The following IRAK3 variants were observed in gnomAD, a reference collection of about 807,000 sequenced individuals.
IRAK3 encodes interleukin 1 receptor associated kinase 3.
In IRAK3, 57 loss-of-function variants were observed where a neutral mutation model predicts 56.6. The observed-to-expected ratio is 1.01, with a 90% CI of 0.81 to 1.26. The LOEUF is 1.26. IRAK3 is among the 50% of genes most tolerant of loss of function. The pLI is 0.00. For missense variants in IRAK3, 703 were observed against 719.0 expected (o/e 0.98, Z 0.25); for synonymous variants, 258 against 255.7 (o/e 1.01, Z -0.09).
chr12:66,198,468 C>T (rs780870208), intron 1 of IRAK3, among the ~76,000 whole-genome samples: 1 of 152,070 alleles, frequency 6.6e-6, no homozygotes, highest in Non-Finnish European at 1.5e-5. Flanking sequence ...TAAACCTTAC[C>T]CCACGACACG....
chr12:66,205,393 G>T (rs532682661), intron 2 of IRAK3, among the ~76,000 whole-genome samples: 1 of 152,266 alleles, frequency 6.6e-6, no homozygotes, highest in Admixed American at 6.5e-5. Flanking sequence ...AGGTAAATCT[G>T]AAGTGAAGAG....
intron 1 of IRAK3, among the ~76,000 whole-genome samples, chr12:66,200,129 AAT>A (rs980555255): frequency 1.3e-5 from 2 of 152,226 alleles, no homozygotes; most frequent in Non-Finnish European, 2.9e-5. Flanking sequence ...TTTGATATGT[AAT>A]TGCAAATGCT....
chr12:66,223,382 A>C (rs2052754447), intron 6 of IRAK3, among the ~76,000 whole-genome samples: 1 of 151,996 alleles, frequency 6.6e-6, no homozygotes, highest in African/African-American at 2.4e-5. Context: ...GTTTGAGGCC[A>C]GGCGCGGTGG....
intron 8 of IRAK3, among the ~76,000 whole-genome samples, chr12:66,233,223 T>C (rs1178910207): frequency 2.0e-5 from 3 of 152,028 alleles, no homozygotes; most frequent in Admixed American, 1.3e-4. Context: ...TCACACTGCA[T>C]TGAAAGAAAG....
chr12:66,236,827 C>G (rs1056975484), intron 8 of IRAK3, among the ~76,000 whole-genome samples: 3 of 152,108 alleles, frequency 2.0e-5, no homozygotes, highest in Non-Finnish European at 4.4e-5. Flanking sequence ...CAAGCTTTAC[C>G]CTGATCAGCT....
At chr12:66,232,443 C>T (rs2052853885) in intron 8 of IRAK3, among the ~76,000 whole-genome samples, 1 of 152,186 alleles carries the variant, frequency 6.6e-6, no homozygotes, top group Non-Finnish European at 1.5e-5. Flanking sequence ...CCAACTATAA[C>T]AGTAGATTTC....
intron 4 of IRAK3, among the ~76,000 whole-genome samples, chr12:66,211,229 A>G (rs2052608216): frequency 6.6e-6 from 1 of 152,182 alleles, no homozygotes; most frequent in South Asian, 2.1e-4. Flanking sequence ...AAAAATCACA[A>G]TGCTGCTGTC....
At chr12:66,203,171 T>C (rs1421986750) in intron 1 of IRAK3, among the ~76,000 whole-genome samples, 1 of 152,190 alleles carries the variant, frequency 6.6e-6, no homozygotes, top group Non-Finnish European at 1.5e-5. Flanking sequence ...AATCTCAAAG[T>C]ATCTTCCCCG....
At chr12:66,234,129 C>G in intron 8 of IRAK3, 14 of 1,614,184 alleles carry the variant, frequency 8.7e-6, no homozygotes, top group Non-Finnish European at 1.2e-5. Context: ...TCGACAGCCA[C>G]CTGCTGTTGA....
intron 5 of IRAK3, among the ~76,000 whole-genome samples, chr12:66,216,816 A>C (rs1383382521): frequency 6.6e-6 from 1 of 152,210 alleles, no homozygotes. Flanking sequence ...GAAATAACAC[A>C]AGTTGGATTC....
rs1439061910 is a variant in IRAK3, at chr12:66,244,763, T to C, written c.1086+79T>C. 6.7e-6 allele frequency: 9 copies of C among 1,351,926 alleles called. No homozygotes were observed. The East Asian group carries it at 2.1e-4, about 32-fold the overall frequency. 83.7% of individuals were successfully genotyped at this position (1,351,926 alleles called of 1,614,324 possible). A position where few individuals can be genotyped will look rare whatever the true frequency, so the allele number is the denominator to read the frequency against. On this transcript the variant is annotated intron_variant, in intron 9 of 11. Transcript: ENST00000261233. ...GATTCTAAGAATTTTTTAAAGAGTT[T>C]TAACTTTTGACTCATTGATTTCCTG...
At chr12:66,189,569 C>T (rs1007968070) in intron 1 of IRAK3, 137 bp downstream of exon 1, 2 of 444,558 alleles carry the variant, frequency 4.5e-6, no homozygotes, top group African/African-American at 4.2e-5. Context: ...GGAGCCGGCC[C>T]CCTCCTTTCC....
rs765118476 is a variant in IRAK3, at chr12:66,209,488, C to T, written c.349C>T (p.Gln117Ter). 1 of 1,606,068 alleles carries T rather than the reference C, an allele frequency of 6.2e-7. No homozygotes were observed. The highest frequency in any genetic ancestry group is 8.5e-7 in the Non-Finnish European group (1 of 1,172,950). ...GTTGAGTCCTTCAGAGAAGAGTTAT[C>T]AGGAAGGTGGATTTCCAAATATATT... ...AVLSPSEKSY[Q>*]EGGFPNILFK... The change falls in exon 3 of 12, where the codon CAG becomes TAG. Residue 117 changes from glutamine to a stop codon, truncating the protein, a stop_gained. Transcript: ENST00000261233. LOFTEE classifies it high-confidence loss of function.
intron 1 of IRAK3, chr12:66,197,641 T>C: frequency 1.0e-6 from 1 of 985,350 alleles, no homozygotes; most frequent in Non-Finnish European, 1.2e-6. Context: ...TCTGGATCAG[T>C]TTTTTACCAT....
At chr12:66,235,724 A>G (rs1152908) in intron 8 of IRAK3, among the ~76,000 whole-genome samples, 1 of 152,096 alleles carries the variant, frequency 6.6e-6, no homozygotes, top group Non-Finnish European at 1.5e-5. Flanking sequence ...AGCGTATAGT[A>G]TATAATTATA....
rs1340558788 is a variant in IRAK3 at position 66,251,458 on chromosome 12, T to G, written c.*3287T>G. ...GATCAGCAAACATGAATTCATAATT[T>G]CATTTACTCTCATTTTTGTAATGCA... On this transcript the variant is annotated 3_prime_UTR_variant, in exon 12 of 12. Coordinates refer to ENST00000261233, the MANE Select transcript of IRAK3 (RefSeq NM_007199.3). 2 of 152,200 alleles carry G rather than the reference T, an allele frequency of 1.3e-5. No individual in the cohort carries two copies. Among genetic ancestry groups the G allele is most frequent in the Non-Finnish European group, 1.5e-5 (1 of 68,026 alleles). 9.4% of individuals were successfully genotyped at this position (152,200 alleles called of 1,614,324 possible). A position where few individuals can be genotyped will look rare whatever the true frequency, so the allele number is the denominator to read the frequency against.
rs1026097833 is a variant in IRAK3, at chr12:66,204,778, G to GCGCA, written c.316+886_316+887insGCAC. On this transcript the variant is annotated intron_variant, in intron 2 of 11. Coordinates refer to ENST00000261233, the MANE Select transcript of IRAK3 (RefSeq NM_007199.3). ...ATATTTAGTGCGCATGAGCCCTTGCGCACACACACACACACACACACACAC... is the reference window on the plus strand; with the variant it reads ...ATATTTAGTGCGCATGAGCCCTTGCGCGCACACACACACACACACACACACACAC... 3.6e-3 allele frequency among the ~76,000 whole-genome samples: 536 copies of GCGCA among 147,914 alleles called. 8 individuals carry two copies. The highest frequency in any genetic ancestry group is 0.028 in the Middle Eastern group (8 of 288).
chr12:66,205,103 C>T (rs1438855491), intron 2 of IRAK3, among the ~76,000 whole-genome samples: 1 of 152,180 alleles, frequency 6.6e-6, no homozygotes, highest in Non-Finnish European at 1.5e-5. Flanking sequence ...CCACTGAAAC[C>T]ACCCACATGG....
At position 66,247,979 on chromosome 12, in the gene IRAK3, C is replaced by T; in HGVS notation, c.1599C>T (p.Asn533=). The T allele has an allele frequency of 6.2e-7, 1 of 1,610,316 alleles. No individual in the cohort carries two copies. The highest frequency in any genetic ancestry group is 8.5e-7 in the Non-Finnish European group (1 of 1,178,544). Residue 533 remains asparagine (N), a synonymous_variant, in exon 12 of 12, where the codon AAC becomes AAT. Coordinates refer to ENST00000261233, the MANE Select transcript of IRAK3 (RefSeq NM_007199.3). ...PESKRNEEAC[N]MPSSSCEESW... is the part of the protein sequence containing the mutation. ...GCAAGAGAAATGAGGAAGCTTGCAACATGCCCAGTTCTTCTTGTGAAGAAA... is the reference window on the plus strand; with the variant it reads ...GCAAGAGAAATGAGGAAGCTTGCAATATGCCCAGTTCTTCTTGTGAAGAAA...
Sources: gnomAD v4.1 joint callset for allele counts (sites outside exome capture counted in the v4.1 genomes callset) on GRCh38, gnomAD v4.1.1 for gene constraint, MANE v1.5 for transcripts, NCBI Gene and HGNC (gene_info 2026-07-23, HGNC 2026-07-21) for gene names.